CNNM2: variants seen among roughly 807,000 people sequenced by gnomAD.
The protein encoded by CNNM2 is cyclin and CBS domain divalent metal cation transport mediator 2, also known as metal transporter CNNM2.
In CNNM2, 12 loss-of-function variants were observed where a neutral mutation model predicts 66.9. The observed-to-expected ratio is 0.18, with a 90% CI of 0.11 to 0.29. The LOEUF is 0.29. Among genes scored for constraint, CNNM2 ranks in the 10% least tolerant of loss-of-function variants. CNNM2 has a pLI of 1.00. For missense variants in CNNM2, 705 were observed against 1,167.7 expected (o/e 0.60, Z 5.77); for synonymous variants, 557 against 501.8 (o/e 1.11, Z -1.47).
At chr10:103,068,534 T>A in intron 4 of CNNM2, 95 bp from the exon 5 acceptor site, 1 of 1,018,876 alleles carries the variant, frequency 9.8e-7, no homozygotes, top group Non-Finnish European at 1.5e-6. Context: ...GGAAAAGAAA[T>A]CAGACAAAAA....
intron 1 of CNNM2, among the ~76,000 whole-genome samples, chr10:103,041,190 G>A (rs575155335): frequency 6.6e-5 from 10 of 151,996 alleles, no homozygotes; most frequent in Admixed American, 2.6e-4. Flanking sequence ...CCCGTCTTCC[G>A]CCTCACCCAC....
chr10:102,931,511 C>G (rs557937156), intron 1 of CNNM2, among the ~76,000 whole-genome samples: 5 of 152,198 alleles, frequency 3.3e-5, no homozygotes, highest in African/African-American at 1.2e-4. Flanking sequence ...GCACGCACCA[C>G]CACGGCCGGC....
rs966944495 is a variant in CNNM2 at position 103,076,072 on chromosome 10, C to T, written c.2234-14C>T. ...ACTTCACTTAAACAGTTGGATTTTT[C>T]CCTCCTTTTCCAGGTGAAAATAAGT... On this transcript the variant is annotated splice_polypyrimidine_tract_variant and intron_variant, in intron 6 of 7. Coordinates refer to ENST00000369878, the MANE Select transcript of CNNM2 (RefSeq NM_017649.5). 1.9e-6 allele frequency: 3 copies of T among 1,599,626 alleles called. No homozygotes were observed. Among genetic ancestry groups the T allele is most frequent in the Non-Finnish European group, 2.6e-6 (3 of 1,170,970 alleles).
intron 1 of CNNM2, among the ~76,000 whole-genome samples, chr10:103,043,661 C>T (rs547038155): frequency 1.7e-4 from 26 of 152,258 alleles, no homozygotes; most frequent in African/African-American, 6.3e-4. Flanking sequence ...GAAATTTGAT[C>T]CCAATTCTAC....
intron 1 of CNNM2, among the ~76,000 whole-genome samples, chr10:103,000,957 G>A (rs1039262423): frequency 2.0e-5 from 3 of 152,118 alleles, no homozygotes; most frequent in African/African-American, 7.2e-5. Flanking sequence ...GTGGATGAAT[G>A]GGTAAGCAAA....
At chr10:103,064,794 C>T (rs2065448495) in intron 4 of CNNM2, among the ~76,000 whole-genome samples, 1 of 152,194 alleles carries the variant, frequency 6.6e-6, no homozygotes, top group Non-Finnish European at 1.5e-5. Context: ...ATTCTCACCA[C>T]CGGTGCGGTG....
intron 1 of CNNM2, among the ~76,000 whole-genome samples, chr10:102,978,648 T>TGCATTTTTGTGTGTGC (rs2063673902): frequency 6.6e-6 from 1 of 152,198 alleles, no homozygotes; most frequent in African/African-American, 2.4e-5. Flanking sequence ...TTTACTGATG[T>TGCATTTTTGTGTGTGC]TTATAAGCAC....
Position 103,054,261 on chromosome 10 carries a change from A to G in CNNM2, c.1766-68A>G. On this transcript the variant is annotated intron_variant, in intron 2 of 7. Coordinates refer to ENST00000369878, the MANE Select transcript of CNNM2 (RefSeq NM_017649.5). This position sits in a 1 kb window ranked among gnomAD's most constrained non-coding sequence, Gnocchi z 5.2. ...TCTTCCAATATATTTTGTCTTTTTC[A>G]TTCAAAAAGAGCCCTCATCTCATGG... The G allele has an allele frequency of 6.5e-7, 1 of 1,540,960 alleles. No individual in the cohort carries two copies. Among genetic ancestry groups the G allele is most frequent in the Non-Finnish European group, 8.8e-7 (1 of 1,135,502 alleles).
chr10:102,995,009 T>A lies in CNNM2; in HGVS notation c.1622-54698T>A, dbSNP rs549412389. 3.3e-4 allele frequency among the ~76,000 whole-genome samples: 50 copies of A among 152,140 alleles called. 1 individual carries two copies. The South Asian group carries it at 1.0e-2, about 30-fold the overall frequency. Reference sequence around the variant, plus strand: ...TTCCTTTCTTCTTCATGTTGGTTTTTAAAACCCTATCCCCTATATTATGGG... The same window carrying A: ...TTCCTTTCTTCTTCATGTTGGTTTTAAAAACCCTATCCCCTATATTATGGG... On this transcript the variant is annotated intron_variant, in intron 1 of 7. Coordinates refer to ENST00000369878, the MANE Select transcript of CNNM2 (RefSeq NM_017649.5).
intron 4 of CNNM2, among the ~76,000 whole-genome samples, chr10:103,061,714 G>A (rs1312987838): frequency 6.6e-6 from 1 of 152,150 alleles, no homozygotes; most frequent in East Asian, 1.9e-4. Context: ...TGTTAACATT[G>A]ATGTAGAATT....
chr10:102,959,857 C>T (rs1249975113), intron 1 of CNNM2, among the ~76,000 whole-genome samples: 1 of 152,082 alleles, frequency 6.6e-6, no homozygotes, highest in Non-Finnish European at 1.5e-5. Flanking sequence ...TCGAAACCAT[C>T]CTGGCTAACA....
rs982802676 is a variant in CNNM2, at chr10:103,075,120, G to A, written c.2234-966G>A. The stretch of plus-strand genomic sequence containing the variant: ...GATGGGCACAATGACAAACTTTCCC[G>A]ATAGCCGAAGGGCAGGTGCAGCCAA... On this transcript the variant is annotated intron_variant, in intron 6 of 7. Coordinates refer to ENST00000369878, the MANE Select transcript of CNNM2 (RefSeq NM_017649.5). Among the ~76,000 whole-genome samples, 8 of 152,206 alleles carry A rather than the reference G, an allele frequency of 5.3e-5. 1 individual carries two copies. The highest frequency in any genetic ancestry group is 2.0e-4 in the Admixed American group (3 of 15,274).
chr10:103,043,193 TC>T (rs1266253940), intron 1 of CNNM2, among the ~76,000 whole-genome samples: 1 of 152,200 alleles, frequency 6.6e-6, no homozygotes, highest in Non-Finnish European at 1.5e-5. Flanking sequence ...TCTGTTTTCT[TC>T]CTGCTGTTTG....
At chr10:102,961,863 C>A (rs1411539682) in intron 1 of CNNM2, among the ~76,000 whole-genome samples, 2 of 151,744 alleles carry the variant, frequency 1.3e-5, no homozygotes, top group Non-Finnish European at 2.9e-5. Flanking sequence ...AAGTTTGAGA[C>A]CAGCCTGGGC....
chr10:103,053,713 T>G (rs1350383322), intron 2 of CNNM2, among the ~76,000 whole-genome samples: 1 of 152,184 alleles, frequency 6.6e-6, no homozygotes, highest in East Asian at 1.9e-4. Flanking sequence ...TCGGAGGAAG[T>G]TCGCAGACCT....
intron 1 of CNNM2, among the ~76,000 whole-genome samples, chr10:103,039,898 G>T (rs2065009235): frequency 6.6e-6 from 1 of 152,192 alleles, no homozygotes; most frequent in Non-Finnish European, 1.5e-5. Context: ...GATGGCAGTG[G>T]CTCATGCCTG....
chr10:102,948,260 A>T (rs1846694149), intron 1 of CNNM2, among the ~76,000 whole-genome samples: 1 of 152,138 alleles, frequency 6.6e-6, no homozygotes, highest in East Asian at 1.9e-4. Flanking sequence ...GAATAAACTC[A>T]TCTGCATGTG....
At chr10:103,063,437 C>T (rs529691465) in intron 4 of CNNM2, among the ~76,000 whole-genome samples, 62 of 152,316 alleles carry the variant, frequency 4.1e-4, no homozygotes, top group African/African-American at 1.5e-3. Context: ...CAGCATGTGG[C>T]GCATGGGGAA....
intron 4 of CNNM2, among the ~76,000 whole-genome samples, chr10:103,058,593 T>G (rs2065332523): frequency 6.6e-6 from 1 of 152,248 alleles, no homozygotes; most frequent in Non-Finnish European, 1.5e-5. Flanking sequence ...AGTAAATCTT[T>G]TAAGATATTT....
Sources: gnomAD v4.1 joint callset for allele counts (sites outside exome capture counted in the v4.1 genomes callset) on GRCh38, gnomAD v4.1.1 for gene constraint, Gnocchi (gnomAD v3.1) non-coding constraint, MANE v1.5 for transcripts, NCBI Gene and HGNC (gene_info 2026-07-23, HGNC 2026-07-21) for gene names.